The following TMEM170B variants were observed in gnomAD, a reference collection of about 807,000 sequenced individuals.
TMEM170B encodes the protein transmembrane protein 170B.
In TMEM170B, 6 loss-of-function variants were observed where a neutral mutation model predicts 13.0. The observed-to-expected ratio is 0.46, with a 90% CI of 0.25 to 0.91. TMEM170B has a LOEUF of 0.91. TMEM170B is among the 40% of genes least tolerant of loss of function. The pLI is 0.17. For synonymous variants in TMEM170B, 61 were observed against 64.9 expected (o/e 0.94, Z 0.29); for missense variants, 138 against 165.2 (o/e 0.84, Z 0.90).
rs1051721121 is a variant in TMEM170B, at chr6:11,576,240, CT to C, written c.*683del. The C allele has an allele frequency of 3.3e-5, 5 of 152,152 alleles. No individual in the cohort carries two copies. Among genetic ancestry groups the C allele is most frequent in the African/African-American group, 1.2e-4 (5 of 41,438 alleles). The allele number at this position is 152,152 out of a possible 1,614,324, so 9.4% of individuals were successfully genotyped here. A position where few individuals can be genotyped will look rare whatever the true frequency, so the allele number is the denominator to read the frequency against. On this transcript the variant is annotated 3_prime_UTR_variant, in exon 3 of 3. Transcript: ENST00000379426. ...TCAGAGTAGCTCTATAGGGTGCATA[CT>C]TTTCACCAACTTAAGTAACACCCTT...
chr6:11,566,923 A>G (rs1343956332), intron 2 of TMEM170B, among the ~76,000 whole-genome samples: 1 of 152,208 alleles, frequency 6.6e-6, no homozygotes, highest in East Asian at 1.9e-4. Context: ...TTTTGTTTTA[A>G]TGCACATGCT....
At chr6:11,565,367 A>G (rs1759720001) in intron 1 of TMEM170B, among the ~76,000 whole-genome samples, 1 of 152,220 alleles carries the variant, frequency 6.6e-6, no homozygotes, top group African/African-American at 2.4e-5. Flanking sequence ...GTTTACAAAT[A>G]TATCAGGGGT....
At chr6:11,564,451 GAT>G (rs1759709313) in intron 1 of TMEM170B, among the ~76,000 whole-genome samples, 1 of 152,138 alleles carries the variant, frequency 6.6e-6, no homozygotes, top group Admixed American at 6.5e-5. Flanking sequence ...TTTTACAATT[GAT>G]AGTGACTACC....
chr6:11,558,728 C>T (rs1315928049), intron 1 of TMEM170B, among the ~76,000 whole-genome samples: 1 of 152,204 alleles, frequency 6.6e-6, no homozygotes, highest in Non-Finnish European at 1.5e-5. Flanking sequence ...TGACAACCCA[C>T]ACCCTTGCCA....
intron 2 of TMEM170B, among the ~76,000 whole-genome samples, chr6:11,573,600 C>A (rs1015623551): frequency 3.3e-5 from 5 of 152,308 alleles, no homozygotes; most frequent in East Asian, 3.9e-4. Context: ...CCTGGCTCTA[C>A]AACCCATGCT....
rs1318318669 is a variant in TMEM170B at position 11,581,775 on chromosome 6, TTAAAG to T, written c.*6217_*6221del. On this transcript the variant is annotated 3_prime_UTR_variant, in exon 3 of 3. Coordinates refer to ENST00000379426, the MANE Select transcript of TMEM170B (RefSeq NM_001100829.3). ...ACTGATGATGACGCTTCTCTTGTTT[TTAAAG>T]TATTTACACATCATTGTTAAGTATT... 2 of 152,220 alleles carry T rather than the reference TTAAAG, an allele frequency of 1.3e-5. No individual in the cohort carries two copies. The highest frequency in any genetic ancestry group is 4.8e-5 in the African/African-American group (2 of 41,456). 9.4% of individuals were successfully genotyped at this position (152,220 alleles called of 1,614,324 possible).
rs1306608021 is a variant in TMEM170B at position 11,583,450 on chromosome 6, T to C, written c.*7889T>C. The C allele has an allele frequency of 2.0e-5, 3 of 152,228 alleles. No homozygotes were observed. The highest frequency in any genetic ancestry group is 4.8e-5 in the African/African-American group (2 of 41,454). 9.4% of individuals were successfully genotyped at this position (152,228 alleles called of 1,614,324 possible). On this transcript the variant is annotated 3_prime_UTR_variant, in exon 3 of 3. Transcript: ENST00000379426. ...TTTATTGGATTAAAAATTTGTAATATACAGTATTTTAATAAAGTTTCTGTA... is the reference window on the plus strand; with the variant it reads ...TTTATTGGATTAAAAATTTGTAATACACAGTATTTTAATAAAGTTTCTGTA...
chr6:11,540,010 G>GA (rs1422824048), intron 1 of TMEM170B, among the ~76,000 whole-genome samples: 1 of 151,820 alleles, frequency 6.6e-6, no homozygotes, highest in South Asian at 2.1e-4. Context: ...CATTATGTCT[G>GA]AAAAAAAAGT....
chr6:11,582,476 A>T lies in TMEM170B; in HGVS notation c.*6915A>T, dbSNP rs1283541918. 1.3e-5 allele frequency: 2 copies of T among 152,200 alleles called. No individual in the cohort carries two copies. Among genetic ancestry groups the T allele is most frequent in the African/African-American group, 4.8e-5 (2 of 41,450 alleles). 9.4% of individuals were successfully genotyped at this position (152,200 alleles called of 1,614,324 possible). On this transcript the variant is annotated 3_prime_UTR_variant, in exon 3 of 3. Coordinates refer to ENST00000379426, the MANE Select transcript of TMEM170B (RefSeq NM_001100829.3). ...TCATATGGTTCAATGTAAATCAGTT[A>T]CTTAGTCATTGACTGTGACAGATGA...
At chr6:11,549,545 C>G (rs2113766195) in intron 1 of TMEM170B, among the ~76,000 whole-genome samples, 1 of 152,122 alleles carries the variant, frequency 6.6e-6, no homozygotes, top group African/African-American at 2.4e-5. Context: ...CACCTATAGT[C>G]CCAGCTACTC....
At chr6:11,551,809 C>T (rs749013119) in intron 1 of TMEM170B, among the ~76,000 whole-genome samples, 6 of 152,064 alleles carry the variant, frequency 3.9e-5, no homozygotes, top group Admixed American at 1.3e-4. Context: ...GGAGCAGGAA[C>T]CTGTTCATGG....
intron 1 of TMEM170B, among the ~76,000 whole-genome samples, chr6:11,538,655 A>ACG (rs752742108): frequency 6.6e-6 from 1 of 152,096 alleles, no homozygotes; most frequent in African/African-American, 2.4e-5. Flanking sequence ...CCTCTGTAGT[A>ACG]CGCGCGGAGT....
At chr6:11,563,836 G>A (rs1759702934) in intron 1 of TMEM170B, among the ~76,000 whole-genome samples, 2 of 152,174 alleles carry the variant, frequency 1.3e-5, no homozygotes, top group Admixed American at 1.3e-4. Context: ...CAGGCGTGGT[G>A]GCCCACATGT....
intron 2 of TMEM170B, among the ~76,000 whole-genome samples, chr6:11,566,850 C>T (rs1402717910): frequency 6.6e-6 from 1 of 152,234 alleles, no homozygotes; most frequent in Non-Finnish European, 1.5e-5. Context: ...AAGTTGTATT[C>T]ATGCTCATCT....
intron 2 of TMEM170B, among the ~76,000 whole-genome samples, chr6:11,572,386 T>G (rs992037332): frequency 6.6e-6 from 1 of 152,194 alleles, no homozygotes; most frequent in Admixed American, 6.5e-5. Flanking sequence ...TTTCCTACTA[T>G]ATTCCATAAT....
intron 1 of TMEM170B, among the ~76,000 whole-genome samples, chr6:11,560,767 C>T (rs1487656233): frequency 6.6e-6 from 1 of 151,980 alleles, no homozygotes; most frequent in East Asian, 1.9e-4. Context: ...GTTTTCTATA[C>T]AGATATGAAA....
rs1214061899 is a variant in TMEM170B at position 11,575,528 on chromosome 6, C to T, written c.366C>T (p.Ile122=). 1.9e-6 allele frequency: 3 copies of T among 1,613,314 alleles called. No homozygotes were observed. Among genetic ancestry groups the T allele is most frequent in the Admixed American group, 1.7e-5 (1 of 59,986 alleles). Residue 122 remains isoleucine, a synonymous_variant, in exon 3 of 3, where the codon ATC becomes ATT. Coordinates refer to ENST00000379426, the MANE Select transcript of TMEM170B (RefSeq NM_001100829.3). The surrounding 1 kb of genome is among the most constrained non-coding windows in gnomAD (Gnocchi z 4.1). The stretch of plus-strand genomic sequence containing the variant: ...TTGGACAGACTGTACTGACATTAAT[C>T]ATCTCCTTTTCAAGGATCCTCGCTA... ...WGVGQTVLTL[I]ISFSRILATL is the part of the protein sequence containing the mutation.
intron 1 of TMEM170B, among the ~76,000 whole-genome samples, chr6:11,564,273 A>G (rs1399235535): frequency 2.0e-5 from 3 of 152,184 alleles, no homozygotes; most frequent in African/African-American, 4.8e-5. Context: ...GTTGGATCAT[A>G]TGGTAGTTTT....
At chr6:11,564,940 C>G (rs1228644611) in intron 1 of TMEM170B, among the ~76,000 whole-genome samples, 2 of 152,166 alleles carry the variant, frequency 1.3e-5, no homozygotes, top group Non-Finnish European at 2.9e-5. Context: ...GCAAGGACAT[C>G]TGTGGGAACT....
Sources: allele counts gnomAD v4.1 joint callset (sites outside exome capture counted in the v4.1 genomes callset), GRCh38; gene constraint gnomAD v4.1.1; non-coding constraint Gnocchi (gnomAD v3.1); transcripts MANE v1.5; gene names NCBI Gene and HGNC (gene_info 2026-07-23, HGNC 2026-07-21).